The following KHDRBS3 variants were observed in gnomAD, a reference collection of about 807,000 sequenced individuals.
KHDRBS3 encodes the protein KH domain-containing, RNA-binding, signal transduction-associated protein 3.
In KHDRBS3, 23 loss-of-function variants were observed where a neutral mutation model predicts 45.6. The ratio of observed to expected loss-of-function variants is 0.50; its 90% confidence interval spans 0.36 to 0.72. The LOEUF (loss-of-function observed/expected upper bound fraction) is 0.72. KHDRBS3 is among the 30% of genes least tolerant of loss of function. The pLI, the probability that KHDRBS3 is intolerant of heterozygous loss-of-function variation, is 0.00. For synonymous variants in KHDRBS3, 162 were observed against 156.5 expected (o/e 1.04, Z -0.26); for missense variants, 352 against 424.8 (o/e 0.83, Z 1.51).
intron 6 of KHDRBS3, among the ~76,000 whole-genome samples, chr8:135,585,250 A>AAAAT (rs1337391005): frequency 6.6e-6 from 1 of 151,032 alleles, no homozygotes; most frequent in Non-Finnish European, 1.5e-5. Context: ...AAAAAAAAGA[A>AAAAT]AAATCGTTTC....
intron 7 of KHDRBS3, among the ~76,000 whole-genome samples, chr8:135,609,977 G>C (rs552964178): frequency 6.6e-6 from 1 of 151,940 alleles, no homozygotes; most frequent in East Asian, 1.9e-4. Context: ...CATCAACCCC[G>C]TCCTATACAA....
chr8:135,577,210 ATGTT>A (rs1208903105), intron 5 of KHDRBS3, among the ~76,000 whole-genome samples: 2 of 152,142 alleles, frequency 1.3e-5, no homozygotes, highest in East Asian at 3.9e-4. Flanking sequence ...CCTAGTTAAA[ATGTT>A]TGTTCACATT....
chr8:135,565,151 C>T (rs534777688), intron 5 of KHDRBS3, among the ~76,000 whole-genome samples: 14 of 152,206 alleles, frequency 9.2e-5, no homozygotes, highest in Non-Finnish European at 1.3e-4. Flanking sequence ...TCGTGATTCC[C>T]GCTAAGTGGA....
chr8:135,532,521 A>G (rs986569516), intron 2 of KHDRBS3, among the ~76,000 whole-genome samples: 3 of 152,210 alleles, frequency 2.0e-5, no homozygotes, highest in Admixed American at 2.0e-4. Context: ...AAAATACAGT[A>G]GAACTTCTAT....
chr8:135,645,259 AT>A, intron 8 of KHDRBS3, 142 bp downstream of exon 8: 1 of 671,064 alleles, frequency 1.5e-6, no homozygotes, highest in Non-Finnish European at 2.5e-6. Context: ...ATGTCTAGCT[AT>A]TTTTAGGGCT....
chr8:135,481,754 C>G (rs1563710358), intron 1 of KHDRBS3, among the ~76,000 whole-genome samples: 1 of 152,146 alleles, frequency 6.6e-6, no homozygotes, highest in East Asian at 1.9e-4. Context: ...TTACACTCTG[C>G]CATCATTGCA....
Position 135,605,356 on chromosome 8 carries a change from C to G in KHDRBS3, c.808-1599C>G, listed in dbSNP as rs1419419762. 3.3e-5 allele frequency among the ~76,000 whole-genome samples: 5 copies of G among 152,052 alleles called. No individual in the cohort carries two copies. In the East Asian group the frequency reaches 9.6e-4, roughly 29 times the overall value. Reference sequence around the variant, plus strand: ...TTCTCTTCCTCAGACTGGATTTTCTCCACTCATCCATCTTCAAGTTGACTG... The same window carrying G: ...TTCTCTTCCTCAGACTGGATTTTCTGCACTCATCCATCTTCAAGTTGACTG... On this transcript the variant is annotated intron_variant, in intron 6 of 8. Transcript: ENST00000355849.
intron 4 of KHDRBS3, among the ~76,000 whole-genome samples, chr8:135,555,820 C>G (rs1826853098): frequency 6.6e-6 from 1 of 152,024 alleles, no homozygotes; most frequent in South Asian, 2.1e-4. Context: ...TACACGTGCC[C>G]TGGTGGTTTG....
At chr8:135,599,237 C>T (rs1419444361) in intron 6 of KHDRBS3, among the ~76,000 whole-genome samples, 2 of 152,150 alleles carry the variant, frequency 1.3e-5, no homozygotes, top group East Asian at 1.9e-4. Flanking sequence ...GGTGCTGTTT[C>T]GAAGCTAAAA....
chr8:135,609,344 G>C (rs776624093), intron 7 of KHDRBS3, among the ~76,000 whole-genome samples: 4 of 150,454 alleles, frequency 2.7e-5, no homozygotes, highest in Non-Finnish European at 3.0e-5. Flanking sequence ...ACCCAGGCTG[G>C]AATGCAGTGG....
chr8:135,544,417 T>C (rs753716218), intron 3 of KHDRBS3, among the ~76,000 whole-genome samples: 13 of 152,310 alleles, frequency 8.5e-5, no homozygotes, highest in Middle Eastern at 6.8e-3. Context: ...TCCTAAATAT[T>C]ATCAGCTTGG....
intron 3 of KHDRBS3, among the ~76,000 whole-genome samples, chr8:135,544,274 A>G (rs75019949): frequency 9.1e-4 from 139 of 152,250 alleles, no homozygotes; most frequent in African/African-American, 3.3e-3. Context: ...AGTGTTTTGT[A>G]GCATACAGTG....
At chr8:135,651,986 G>A, downstream of KHDRBS3, among the ~76,000 whole-genome samples, 1 of 152,094 alleles carries the variant, frequency 6.6e-6, no homozygotes, top group Non-Finnish European at 1.5e-5. Flanking sequence ...TAAAACTAAT[G>A]ATTTGAAGAA....
intron 4 of KHDRBS3, among the ~76,000 whole-genome samples, chr8:135,553,249 AATAAAT>A (rs1826703287): frequency 6.6e-6 from 1 of 152,106 alleles, no homozygotes; most frequent in African/African-American, 2.4e-5. Flanking sequence ...CTTTTTAATG[AATAAAT>A]ATATTATATT....
At chr8:135,584,408 A>G (rs952181707) in intron 6 of KHDRBS3, among the ~76,000 whole-genome samples, 2 of 152,252 alleles carry the variant, frequency 1.3e-5, no homozygotes, top group Admixed American at 1.3e-4. Context: ...AAGAAATACC[A>G]TCATGAGTGC....
At chr8:135,563,320 C>A (rs1397714420) in intron 5 of KHDRBS3, among the ~76,000 whole-genome samples, 1 of 152,210 alleles carries the variant, frequency 6.6e-6, no homozygotes, top group African/African-American at 2.4e-5. Context: ...TTTCCCAGAT[C>A]CTTCACATTT....
At chr8:135,492,260 T>C (rs914963509) in intron 1 of KHDRBS3, among the ~76,000 whole-genome samples, 2 of 152,122 alleles carry the variant, frequency 1.3e-5, no homozygotes, top group African/African-American at 4.8e-5. Context: ...ATTGTAGTAC[T>C]TAGCTTTGCT....
chr8:135,487,294 T>C (rs1185931191), intron 1 of KHDRBS3, among the ~76,000 whole-genome samples: 1 of 152,194 alleles, frequency 6.6e-6, no homozygotes, highest in Non-Finnish European at 1.5e-5. Context: ...AGTAAGTAGC[T>C]TAGAGGTGCT....
intron 1 of KHDRBS3, among the ~76,000 whole-genome samples, chr8:135,469,148 T>C (rs1332094178): frequency 2.0e-5 from 3 of 152,244 alleles, no homozygotes; most frequent in Admixed American, 6.5e-5. Context: ...ATACCCCTTT[T>C]ATTGTCTCAG....
Sources: allele counts gnomAD v4.1 joint callset (sites outside exome capture counted in the v4.1 genomes callset), GRCh38; gene constraint gnomAD v4.1.1; transcripts MANE v1.5; gene names NCBI Gene and HGNC (gene_info 2026-07-23, HGNC 2026-07-21).